Variants in VPS37B observed in about 807,000 individuals in gnomAD.
VPS37B encodes the protein VPS37B subunit of ESCRT-I.
In VPS37B, 11 loss-of-function variants were observed where a neutral mutation model predicts 21.2. That is an observed-to-expected ratio of 0.52 (90% CI 0.33 to 0.86). The LOEUF (loss-of-function observed/expected upper bound fraction) is 0.86. Ranked by LOEUF, VPS37B falls within the 40% of genes least tolerant of loss-of-function variation. VPS37B has a pLI of 0.03. For synonymous variants in VPS37B, 175 were observed against 159.6 expected, an observed-to-expected ratio of 1.10 and a Z score of -0.73; for missense variants, 389 against 374.8, an observed-to-expected ratio of 1.04 and a Z score of -0.31.
intron 1 of VPS37B, among the ~76,000 whole-genome samples, chr12:122,893,823 CAAAAAAAA>C (rs67994180): frequency 1.6e-4 from 22 of 134,996 alleles, no homozygotes; most frequent in East Asian, 4.3e-4. Context: ...CACTTTTACT[CAAAAAAAA>C]AAAAAAAAAA....
chr12:122,882,036 T>C (rs1444480515), intron 1 of VPS37B: 1 of 152,208 alleles, frequency 6.6e-6, no homozygotes, highest in Non-Finnish European at 1.5e-5. Flanking sequence ...CTAGCTACAA[T>C]GCCATAATCA....
At chr12:122,893,667 T>C (rs1266742517) in intron 1 of VPS37B, among the ~76,000 whole-genome samples, 1 of 151,896 alleles carries the variant, frequency 6.6e-6, no homozygotes, top group Non-Finnish European at 1.5e-5. Context: ...CTAAGGTATT[T>C]TGGTTTTCAA....
In VPS37B at chr12:122,867,630, T is replaced by C; in HGVS notation, c.367-23A>G. 3 of 1,609,754 alleles carry C rather than the reference T, an allele frequency of 1.9e-6. No individual in the cohort carries two copies. In the South Asian group the frequency reaches 3.3e-5, roughly 18 times the overall value. On this transcript the variant is annotated intron_variant, in intron 3 of 3. Transcript: ENST00000267202. The surrounding 1 kb of genome is among the most constrained non-coding windows in gnomAD (Gnocchi z 5.5). ...GTTCTGAAAGAGGCAGAAACCTGGT[T>C]ACAGGGACAGCCAGATGGGGAGGAT...
Position 122,868,376 on chromosome 12 carries a change from C to T in VPS37B, c.366+104G>A, listed in dbSNP as rs534649182. The T allele has an allele frequency of 6.6e-6, 7 of 1,060,234 alleles. No homozygotes were observed. The highest frequency in any genetic ancestry group is 5.6e-5 in the South Asian group (4 of 72,054). The allele number at this position is 1,060,234 out of a possible 1,614,324, so 65.7% of individuals were successfully genotyped here. Reference sequence around the variant, plus strand: ...ATACAGCCCGTACACCTGGGAGGCACCACTCCTGGCCGTGGCGGTGTGGCA... The same window carrying T: ...ATACAGCCCGTACACCTGGGAGGCATCACTCCTGGCCGTGGCGGTGTGGCA... On this transcript the variant is annotated intron_variant, in intron 3 of 3. Transcript: ENST00000267202. The surrounding 1 kb of genome is among the most constrained non-coding windows in gnomAD (Gnocchi z 5.5).
chr12:122,867,235 C>A lies in VPS37B; in HGVS notation c.739G>T (p.Val247Leu). The A allele has an allele frequency of 6.4e-7, 1 of 1,559,662 alleles. No individual in the cohort carries two copies. Among genetic ancestry groups the A allele is most frequent in the Non-Finnish European group, 8.6e-7 (1 of 1,157,736 alleles). The change falls in exon 4 of 4, where the codon GTG becomes TTG. Residue 247 changes from valine to leucine, a missense_variant. Val to Leu is a conservative substitution (Grantham distance 32). Coordinates refer to ENST00000267202, the MANE Select transcript of VPS37B (RefSeq NM_024667.3). This position sits in a 1 kb window ranked among gnomAD's most constrained non-coding sequence, Gnocchi z 5.5. ...GLQCPPLPPR[V>L]GLPTQQGFSS... ...AATCCTTGCTGAGTGGGGAGGCCCA[C>A]GCGGGGGGGCAGGGGCGGGCACTGT...
intron 1 of VPS37B, chr12:122,888,860 CA>C: frequency 3.3e-6 from 1 of 298,978 alleles, no homozygotes; most frequent in Non-Finnish European, 6.7e-6. Context: ...TGTCTCCAAG[CA>C]GAGCATTCAC....
intron 2 of VPS37B, 118 bp downstream of exon 2, chr12:122,870,772 G>A (rs1206328843): frequency 4.1e-6 from 4 of 975,350 alleles, no homozygotes; most frequent in Non-Finnish European, 6.2e-6. Context: ...CATTGCAGTA[G>A]AGTCGCTATC....
At chr12:122,876,240 A>G (rs1233960153) in intron 1 of VPS37B, 2 of 152,138 alleles carry the variant, frequency 1.3e-5, no homozygotes, top group Non-Finnish European at 2.9e-5. Flanking sequence ...TCCACTTTCT[A>G]CTTTTAACTA....
chr12:122,892,660 G>A (rs926325819), intron 1 of VPS37B, among the ~76,000 whole-genome samples: 2 of 152,350 alleles, frequency 1.3e-5, no homozygotes, highest in African/African-American at 2.4e-5. Flanking sequence ...GCCCATGCCT[G>A]TAATCCCAGC....
chr12:122,874,630 C>T (rs1358094049), intron 1 of VPS37B: 2 of 152,172 alleles, frequency 1.3e-5, no homozygotes, highest in Admixed American at 6.6e-5. Flanking sequence ...ACATAAGCCA[C>T]CAGGCATCAA....
chr12:122,882,791 G>T (rs1424210460), intron 1 of VPS37B: 1 of 152,230 alleles, frequency 6.6e-6, no homozygotes, highest in East Asian at 1.9e-4. Context: ...TCAGTAAAAA[G>T]ATATTCCCAA....
intron 1 of VPS37B, among the ~76,000 whole-genome samples, 193 bp downstream of exon 1, chr12:122,895,759 G>C (rs1218072860): frequency 6.9e-6 from 1 of 144,174 alleles, no homozygotes; most frequent in Non-Finnish European, 1.5e-5. Context: ...CCCCCTCTCA[G>C]GCCCCCTATT....
chr12:122,865,352 T>A lies in VPS37B; in HGVS notation c.*1764A>T, dbSNP rs2033876541. The A allele has an allele frequency of 6.6e-6, 1 of 152,198 alleles. No individual in the cohort carries two copies. Among genetic ancestry groups the A allele is most frequent in the Non-Finnish European group, 1.5e-5 (1 of 68,038 alleles). The allele number at this position is 152,198 out of a possible 1,614,324, so 9.4% of individuals were successfully genotyped here. ...CTGTTATTAATAATTCTCTATTTAT[T>A]AAAAAGGGTCCTACAGCTTTACAGC... On this transcript the variant is annotated 3_prime_UTR_variant, in exon 4 of 4. Coordinates refer to ENST00000267202, the MANE Select transcript of VPS37B (RefSeq NM_024667.3).
intron 1 of VPS37B, chr12:122,886,817 A>C (rs1037967297): frequency 3.3e-5 from 5 of 152,146 alleles, no homozygotes; most frequent in African/African-American, 1.2e-4. Context: ...TAATCCTCAG[A>C]ATAACTCAAT....
intron 1 of VPS37B, chr12:122,888,964 C>A: frequency 5.3e-6 from 1 of 189,764 alleles, no homozygotes; most frequent in East Asian, 1.6e-4. Context: ...GACTCCCTCC[C>A]TCCTGCACCC....
In VPS37B at chr12:122,866,684, C is replaced by A. The variant is rs2033906265; in HGVS notation, c.*432G>T. The stretch of plus-strand genomic sequence containing the variant: ...TCCAGGCCGGCCGGCGCCCACCCGC[C>A]CTCACCAGGGCTGCAGTGGCCGGTG... On this transcript the variant is annotated 3_prime_UTR_variant, in exon 4 of 4. Transcript: ENST00000267202. The A allele has an allele frequency of 6.4e-6, 1 of 155,110 alleles. No homozygotes were observed. The highest frequency in any genetic ancestry group is 1.4e-5 in the Non-Finnish European group (1 of 69,910). 9.6% of individuals were successfully genotyped at this position (155,110 alleles called of 1,614,324 possible). A position where few individuals can be genotyped will look rare whatever the true frequency, so the allele number is the denominator to read the frequency against.
chr12:122,871,139 G>A (rs1476997347), intron 1 of VPS37B, 78 bp from the exon 2 acceptor site: 2 of 1,547,160 alleles, frequency 1.3e-6, no homozygotes, highest in South Asian at 1.2e-5. Flanking sequence ...GCACACCCCA[G>A]GAGCCCAGTG....
In VPS37B at chr12:122,880,431, T is replaced by G. The variant is rs139251445; in HGVS notation, c.112-9370A>C. 3 of 152,266 alleles carry G rather than the reference T, an allele frequency of 2.0e-5. No individual in the cohort carries two copies. The East Asian group carries it at 5.8e-4, about 29-fold the overall frequency. 9.4% of individuals were successfully genotyped at this position (152,266 alleles called of 1,614,324 possible). Reference sequence around the variant, plus strand: ...GAGACACAGACACAAGCTGGCTTTGTGCGACGCTTCTCTTCACTGAAATCA... The same window carrying G: ...GAGACACAGACACAAGCTGGCTTTGGGCGACGCTTCTCTTCACTGAAATCA... On this transcript the variant is annotated intron_variant, in intron 1 of 3. Transcript: ENST00000267202.
In VPS37B at chr12:122,866,943, C is replaced by G; in HGVS notation, c.*173G>C. ...CCGGCACACACAACTGCCTTGATGC[C>G]CAAAGCCTGGGCTCCTACTACTCAC... On this transcript the variant is annotated 3_prime_UTR_variant, in exon 4 of 4. Coordinates refer to ENST00000267202, the MANE Select transcript of VPS37B (RefSeq NM_024667.3). The G allele has an allele frequency of 1.3e-6, 1 of 770,934 alleles. No individual in the cohort carries two copies. The highest frequency in any genetic ancestry group is 1.9e-6 in the Non-Finnish European group (1 of 536,138). 47.8% of individuals were successfully genotyped at this position (770,934 alleles called of 1,614,324 possible). A position where few individuals can be genotyped will look rare whatever the true frequency, so the allele number is the denominator to read the frequency against.
Sources: allele counts gnomAD v4.1 joint callset (sites outside exome capture counted in the v4.1 genomes callset), GRCh38; gene constraint gnomAD v4.1.1; non-coding constraint Gnocchi (gnomAD v3.1); transcripts MANE v1.5; gene names NCBI Gene and HGNC (gene_info 2026-07-23, HGNC 2026-07-21).